Variants in DNMT3A observed in about 807,000 individuals in gnomAD.
DNMT3A encodes DNA (cytosine-5)-methyltransferase 3A.
In DNMT3A, 267 loss-of-function variants were observed where a neutral mutation model predicts 117.6. The observed-to-expected ratio is 2.27, with a 90% CI of 2.05 to 2.51. The LOEUF (loss-of-function observed/expected upper bound fraction) is 2.51, where lower values mean the gene tolerates loss of function less well. Ranked by LOEUF, DNMT3A falls within the 30% of genes most tolerant of loss-of-function variation. The pLI, the probability that DNMT3A is intolerant of heterozygous loss-of-function variation, is 0.00. For synonymous variants in DNMT3A, 432 were observed against 474.8 expected, an observed-to-expected ratio of 0.91 and a Z score of 1.17; for missense variants, 1,029 against 1,260.2, an observed-to-expected ratio of 0.82 and a Z score of 2.78.
In DNMT3A at chr2:25,240,314, C is replaced by CGAG; in HGVS notation, c.2307_2309dup (p.Ser770dup). 1 of 1,614,172 alleles carries CGAG rather than the reference C, an allele frequency of 6.2e-7. No individual in the cohort carries two copies. The highest frequency in any genetic ancestry group is 8.5e-7 in the Non-Finnish European group (1 of 1,180,026). On this transcript the variant is annotated inframe_insertion, in exon 19 of 23. Transcript: ENST00000321117. Reference sequence around the variant, plus strand: ...TTGCTGGCTATACCTCGAGAAATCGCGAGATGTCCCTCTTGTCACTAACGC... The same window carrying CGAG: ...TTGCTGGCTATACCTCGAGAAATCGCGAGGAGATGTCCCTCTTGTCACTAACGC...
chr2:25,273,060 C>T (rs931363046), intron 6 of DNMT3A, among the ~76,000 whole-genome samples: 2 of 149,692 alleles, frequency 1.3e-5, no homozygotes, highest in African/African-American at 5.0e-5. Flanking sequence ...CTGCAACCTC[C>T]GCCTCCCGGG....
At chr2:25,272,413 G>C (rs962569128) in intron 6 of DNMT3A, among the ~76,000 whole-genome samples, 1 of 152,206 alleles carries the variant, frequency 6.6e-6, no homozygotes, top group Non-Finnish European at 1.5e-5. Context: ...CCTCCATACT[G>C]CTTCTTCAAG....
intron 6 of DNMT3A, among the ~76,000 whole-genome samples, chr2:25,260,055 A>T (rs1322671462): frequency 1.3e-5 from 2 of 152,180 alleles, no homozygotes; most frequent in Non-Finnish European, 2.9e-5. Context: ...AGCCCTATCA[A>T]TTACCCGGAG....
Position 25,250,455 on chromosome 2 carries a change from G to A in DNMT3A, c.640-2203C>T, listed in dbSNP as rs942252139. Reference sequence around the variant, plus strand: ...CTCATGGATGGCGGAATGAGCTCACGGATCGGACTGCGGGGGTGGAAGAAT... The same window carrying A: ...CTCATGGATGGCGGAATGAGCTCACAGATCGGACTGCGGGGGTGGAAGAAT... On this transcript the variant is annotated intron_variant, in intron 6 of 22. Coordinates refer to ENST00000321117, the MANE Select transcript of DNMT3A (RefSeq NM_022552.5). 4.6e-5 allele frequency among the ~76,000 whole-genome samples: 7 copies of A among 152,294 alleles called. No homozygotes were observed. In the South Asian group the frequency reaches 1.2e-3, roughly 27 times the overall value.
At position 25,244,153 on chromosome 2, in the gene DNMT3A, A is replaced by ACAAATTCCTGGTCG; in HGVS notation, c.1839_1851+1dup. 1 of 1,613,932 alleles carries ACAAATTCCTGGTCG rather than the reference A, an allele frequency of 6.2e-7. No individual in the cohort carries two copies. The highest frequency in any genetic ancestry group is 8.5e-7 in the Non-Finnish European group (1 of 1,180,014). On this transcript the variant is annotated splice_donor_variant, in intron 15 of 22. Coordinates refer to ENST00000321117, the MANE Select transcript of DNMT3A (RefSeq NM_022552.5). LOFTEE classifies it high-confidence loss of function. ...AGACCGCGCCCCAGGCCCAGCACTC[A>ACAAATTCCTGGTCG]CAAATTCCTGGTCGTGGTTATTAGC... is the stretch of plus-strand genomic sequence containing the variant.
At chr2:25,256,259 C>T (rs150339978) in intron 6 of DNMT3A, among the ~76,000 whole-genome samples, 109 of 152,304 alleles carry the variant, frequency 7.2e-4, no homozygotes, top group African/African-American at 1.8e-3. Context: ...CAACACTCTG[C>T]GTGACATTCT....
chr2:25,280,334 C>A (rs916174850), intron 4 of DNMT3A, among the ~76,000 whole-genome samples: 2 of 134,206 alleles, frequency 1.5e-5, no homozygotes, highest in Non-Finnish European at 3.2e-5. Flanking sequence ...CCCCACCCCC[C>A]ACCCCGGCAG....
chr2:25,243,298 C>CA (rs557193872), intron 16 of DNMT3A, among the ~76,000 whole-genome samples: 1,944 of 68,988 alleles, frequency 0.028, 37 homozygotes, highest in African/African-American at 0.085. Context: ...GACTCCGTCT[C>CA]AAAAAAAAAA....
At chr2:25,277,371 C>T (rs1176020112) in intron 4 of DNMT3A, among the ~76,000 whole-genome samples, 2 of 152,164 alleles carry the variant, frequency 1.3e-5, no homozygotes, top group Non-Finnish European at 2.9e-5. Context: ...GACCTCGTTG[C>T]TCTGCCCGGT....
chr2:25,235,913 G>C, intron 21 of DNMT3A, 88 bp from the exon 22 acceptor site: 2 of 1,237,972 alleles, frequency 1.6e-6, no homozygotes, highest in Non-Finnish European at 2.4e-6. Context: ...CCAGGTACTC[G>C]CCAAACCCTG....
intron 1 of DNMT3A, among the ~76,000 whole-genome samples, chr2:25,323,285 T>C (rs1278804357): frequency 1.3e-5 from 2 of 152,084 alleles, no homozygotes; most frequent in Non-Finnish European, 2.9e-5. Context: ...GGATAAAGCG[T>C]TGTAGTCACT....
At chr2:25,275,227 G>T (rs1006383652) in intron 5 of DNMT3A, 140 bp from the exon 6 acceptor site, 4 of 1,286,952 alleles carry the variant, frequency 3.1e-6, no homozygotes, top group Non-Finnish European at 4.1e-6. Flanking sequence ...GGCCCCGTGT[G>T]GGCTGGAGGA....
chr2:25,254,404 A>C lies in DNMT3A; in HGVS notation c.640-6152T>G, dbSNP rs1055566341. 3.9e-5 allele frequency among the ~76,000 whole-genome samples: 6 copies of C among 152,034 alleles called. No individual in the cohort carries two copies. Among genetic ancestry groups the C allele is most frequent in the Non-Finnish European group, 8.8e-5 (6 of 68,000 alleles). The stretch of plus-strand genomic sequence containing the variant: ...CCAAACCAGAGAGCCTTCTACCTAG[A>C]AGACTTGGGTACAGACTCCCCCCCA... On this transcript the variant is annotated intron_variant, in intron 6 of 22. Coordinates refer to ENST00000321117, the MANE Select transcript of DNMT3A (RefSeq NM_022552.5). The surrounding 1 kb of genome is among the most constrained non-coding windows in gnomAD (Gnocchi z 4.7).
chr2:25,275,490 G>T lies in DNMT3A; in HGVS notation c.492+10C>A. The T allele has an allele frequency of 6.3e-7, 1 of 1,592,482 alleles. No individual in the cohort carries two copies. Reference sequence around the variant, plus strand: ...AGGATCCACAGAGCCCCTGGGGGTGGAACACTTGCCTCCATTTTCATGGAT... The same window carrying T: ...AGGATCCACAGAGCCCCTGGGGGTGTAACACTTGCCTCCATTTTCATGGAT... On this transcript the variant is annotated intron_variant, in intron 5 of 22. Coordinates refer to ENST00000321117, the MANE Select transcript of DNMT3A (RefSeq NM_022552.5).
intron 20 of DNMT3A, among the ~76,000 whole-genome samples, chr2:25,238,483 C>T (rs971088151): frequency 3.3e-5 from 5 of 152,160 alleles, no homozygotes; most frequent in African/African-American, 7.2e-5. Flanking sequence ...AGGGACTGAG[C>T]GGCTCTCAGC....
At chr2:25,308,408 A>G (rs1027325668) in intron 2 of DNMT3A, among the ~76,000 whole-genome samples, 1 of 152,032 alleles carries the variant, frequency 6.6e-6, no homozygotes, top group Non-Finnish European at 1.5e-5. Flanking sequence ...CCCATCCAAG[A>G]CTGTACTGAC....
At chr2:25,256,325 C>T (rs1323973858) in intron 6 of DNMT3A, among the ~76,000 whole-genome samples, 1 of 152,264 alleles carries the variant, frequency 6.6e-6, no homozygotes, top group South Asian at 2.1e-4. Context: ...ACGCTTTGCC[C>T]GCCCACTTGC....
chr2:25,282,079 A>C lies in DNMT3A; in HGVS notation c.448+362T>G. 1 of 1,129,666 alleles carries C rather than the reference A, an allele frequency of 8.9e-7. No homozygotes were observed. The highest frequency in any genetic ancestry group is 1.1e-6 in the Non-Finnish European group (1 of 900,332). 70.0% of individuals were successfully genotyped at this position (1,129,666 alleles called of 1,614,324 possible). A position where few individuals can be genotyped will look rare whatever the true frequency, so the allele number is the denominator to read the frequency against. ...ACTAAGGCCCACAACCAGCCACAGA[A>C]GGCGATGGAGGGACCGCCATTATCC... On this transcript the variant is annotated intron_variant, in intron 4 of 22. Coordinates refer to ENST00000321117, the MANE Select transcript of DNMT3A (RefSeq NM_022552.5). This position sits in a 1 kb window ranked among gnomAD's most constrained non-coding sequence, Gnocchi z 5.2.
chr2:25,320,657 C>T (rs1244923082), intron 1 of DNMT3A, among the ~76,000 whole-genome samples: 1 of 151,024 alleles, frequency 6.6e-6, no homozygotes, highest in Non-Finnish European at 1.5e-5. Context: ...GAAAAAAAAA[C>T]GAAAAGAAAC....
Sources: allele counts gnomAD v4.1 joint callset (sites outside exome capture counted in the v4.1 genomes callset), GRCh38; gene constraint gnomAD v4.1.1; non-coding constraint Gnocchi (gnomAD v3.1); transcripts MANE v1.5; gene names NCBI Gene and HGNC (gene_info 2026-07-23, HGNC 2026-07-21).